RIMBP2: variants seen among roughly 807,000 people sequenced by gnomAD.
RIMBP2 encodes RIMS-binding protein 2.
RIMBP2 carries 48 observed loss-of-function variants against 118.6 expected under a neutral mutation model. The observed-to-expected ratio is 0.40, with a 90% CI of 0.32 to 0.51. The LOEUF is 0.51. Ranked by LOEUF, RIMBP2 falls within the 20% of genes least tolerant of loss-of-function variation. The probability of loss-of-function intolerance (pLI) is 0.41; values close to 1 mark genes in which losing one functional copy is unlikely to be tolerated. For missense variants in RIMBP2, 1,551 were observed against 1,768.3 expected, an observed-to-expected ratio of 0.88 and a Z score of 2.20; for synonymous variants, 762 against 742.9, an observed-to-expected ratio of 1.03 and a Z score of -0.42.
rs12815157 is a variant in RIMBP2, at chr12:130,436,610, G to A, written c.2106+232C>T. On this transcript the variant is annotated intron_variant, in intron 13 of 22. Transcript: ENST00000690449. ...AGCCTGCTTTCTAAGCCAGGCAAGTGCCTGGCATTTCCTTAGTTATGTGGC... is the reference window on the plus strand; with the variant it reads ...AGCCTGCTTTCTAAGCCAGGCAAGTACCTGGCATTTCCTTAGTTATGTGGC... Among the ~76,000 whole-genome samples the A allele has an allele frequency of 0.12, 18,765 of 152,196 alleles. 1,314 individuals are homozygous for A. The highest frequency in any genetic ancestry group is 0.24 in the East Asian group (1,252 of 5,152).
In RIMBP2 at chr12:130,425,229, C is replaced by G. The variant is rs143452681; in HGVS notation, c.2413-371G>C. Reference sequence around the variant, plus strand: ...GTGGCCACGGTGCCAGGGGAGACTGCCCGGGGGCTACATCCTCAGAAACCC... The same window carrying G: ...GTGGCCACGGTGCCAGGGGAGACTGGCCGGGGGCTACATCCTCAGAAACCC... On this transcript the variant is annotated intron_variant, in intron 15 of 22. Transcript: ENST00000690449. 1,271 of 182,424 alleles carry G rather than the reference C, an allele frequency of 7.0e-3. 12 individuals carry two copies. The highest frequency in any genetic ancestry group is 0.027 in the African/African-American group (1,167 of 42,802). 11.3% of individuals were successfully genotyped at this position (182,424 alleles called of 1,614,324 possible).
chr12:130,444,608 T>G (rs4409881), intron 10 of RIMBP2, among the ~76,000 whole-genome samples: 2 of 152,042 alleles, frequency 1.3e-5, no homozygotes, highest in African/African-American at 4.8e-5. Flanking sequence ...CAACAAAAGG[T>G]GGGGCCTTTC....
rs2140864097 is a variant in RIMBP2 at position 130,623,067 on chromosome 12, A to T, written c.-217+5255T>A. ...AATATTTGCCAAGCATCTGTAGTGT[A>T]CAAAATCAGGTTGCTGGGCTACTTA... On this transcript the variant is annotated intron_variant, in intron 2 of 22. Transcript: ENST00000690449. This position sits in a 1 kb window ranked among gnomAD's most constrained non-coding sequence, Gnocchi z 4.1. Among the ~76,000 whole-genome samples the T allele has an allele frequency of 6.6e-6, 1 of 152,366 alleles. No homozygotes were observed. Among genetic ancestry groups the T allele is most frequent in the Middle Eastern group, 3.4e-3 (1 of 294 alleles).
chr12:130,462,759 A>G (rs189233694), intron 6 of RIMBP2, among the ~76,000 whole-genome samples: 63 of 152,338 alleles, frequency 4.1e-4, no homozygotes, highest in Admixed American at 7.8e-4. Context: ...GAGCGCTGGC[A>G]CCACGTGGAG....
At chr12:130,613,426 C>T (rs373721841) in intron 2 of RIMBP2, among the ~76,000 whole-genome samples, 1 of 152,192 alleles carries the variant, frequency 6.6e-6, no homozygotes, top group Non-Finnish European at 1.5e-5. Flanking sequence ...CCCAGCCCCC[C>T]ACCCCGCAGG....
rs200070400 is a variant in RIMBP2 at position 130,442,088 on chromosome 12, T to G, written c.1264A>C (p.Ile422Leu). Residue 422 changes from isoleucine (I) to leucine (L), a missense_variant, in exon 11 of 23, where the codon ATC (isoleucine) becomes CTC (leucine). Physicochemically the swap from Ile to Leu is conservative, Grantham distance 5. Around this residue, in one of 5 missense-constraint regions of RIMBP2, gnomAD observed 265 missense variants for 349.5 expected, o/e 0.76. Coordinates refer to ENST00000690449, the MANE Select transcript of RIMBP2 (RefSeq NM_001393629.1). The surrounding 1 kb of genome is among the most constrained non-coding windows in gnomAD (Gnocchi z 6.9). Reference protein sequence around the residue: ...SHLRVDNITQISAQLSWLPTN... With the variant: ...SHLRVDNITQLSAQLSWLPTN... ...GGTAGCCAGGAGAGCTGGGCGGAGA[T>G]CTGCGTGATGTTGTCCACCCGCAGG... is the stretch of plus-strand genomic sequence containing the variant. The G allele has an allele frequency of 1.2e-6, 2 of 1,614,130 alleles. No homozygotes were observed. Among genetic ancestry groups the G allele is most frequent in the East Asian group, 2.2e-5 (1 of 44,876 alleles).
chr12:130,414,476 A>C, intron 17 of RIMBP2, 170 bp from the exon 18 acceptor site: 2 of 600,000 alleles, frequency 3.3e-6, no homozygotes, highest in Non-Finnish European at 2.8e-6. Flanking sequence ...GGTCAGATGA[A>C]TTGGAGAAGC....
At chr12:130,604,092 T>C (rs1010409317) in intron 2 of RIMBP2, among the ~76,000 whole-genome samples, 3 of 152,172 alleles carry the variant, frequency 2.0e-5, no homozygotes, top group East Asian at 1.9e-4. Flanking sequence ...GTGATGATCC[T>C]GACCCCGGGT....
At position 130,617,180 on chromosome 12, in the gene RIMBP2, G is replaced by A. The variant is rs181369445; in HGVS notation, c.-217+11142C>T. Among the ~76,000 whole-genome samples the A allele has an allele frequency of 0.019, 2,008 of 102,996 alleles. 43 individuals are homozygous for A. The highest frequency in any genetic ancestry group is 0.069 in the African/African-American group (1,893 of 27,504). 67.6% of individuals were successfully genotyped at this position (102,996 alleles called of 152,430 possible). ...TTGTCACCAACGATCCCCCACCCCC[G>A]ACCCCCGCCCCGAGTTAGTGCTGCC... is the stretch of plus-strand genomic sequence containing the variant. On this transcript the variant is annotated intron_variant, in intron 2 of 22. Transcript: ENST00000690449. The surrounding 1 kb of genome is among the most constrained non-coding windows in gnomAD (Gnocchi z 4.6).
At chr12:130,673,764 T>A (rs760211088) in intron 1 of RIMBP2, among the ~76,000 whole-genome samples, 2 of 152,056 alleles carry the variant, frequency 1.3e-5, no homozygotes, top group Non-Finnish European at 2.9e-5. Context: ...ATTTCCCTTT[T>A]GGTGCTCTTC....
rs2079470027 is a variant in RIMBP2 at position 130,456,656 on chromosome 12, C to T, written c.198G>A (p.Glu66=). 6.2e-7 allele frequency: 1 copy of T among 1,611,638 alleles called. No homozygotes were observed. The highest frequency in any genetic ancestry group is 8.5e-7 in the Non-Finnish European group (1 of 1,178,420). ...ELEEKCRTQS[E]QFNLLSRDLE... is the part of the protein sequence containing the mutation. ...GGTCCCGGGACAGCAGGTTGAACTG[C>T]TCACTTTGAGTCCGGCATTTCTCTT... The change falls in exon 7 of 23, where the codon GAG becomes GAA. Residue 66 remains glutamate (E), a synonymous_variant. Transcript: ENST00000690449.
chr12:130,631,128 A>G (rs2061970466), intron 1 of RIMBP2, among the ~76,000 whole-genome samples: 1 of 152,184 alleles, frequency 6.6e-6, no homozygotes, highest in Non-Finnish European at 1.5e-5. Flanking sequence ...GAAAAGAGAG[A>G]CTCAAGAAAA....
chr12:130,676,541 T>A (rs2064485908), intron 1 of RIMBP2, among the ~76,000 whole-genome samples: 1 of 151,504 alleles, frequency 6.6e-6, no homozygotes, highest in Non-Finnish European at 1.5e-5. Flanking sequence ...GAGAATCGCT[T>A]GAACCCGGGA....
intron 1 of RIMBP2, among the ~76,000 whole-genome samples, chr12:130,631,276 T>C (rs2061977486): frequency 6.6e-6 from 1 of 152,238 alleles, no homozygotes; most frequent in South Asian, 2.1e-4. Context: ...CAGTCACTAA[T>C]TGGTGCTACC....
intron 1 of RIMBP2, among the ~76,000 whole-genome samples, chr12:130,681,288 T>A (rs78913133): frequency 8.1e-5 from 8 of 98,626 alleles, no homozygotes; most frequent in Admixed American, 2.9e-4. Flanking sequence ...TAAAAAAAAA[T>A]AAAAAATAAA....
chr12:130,587,610 A>G (rs1159121285), intron 2 of RIMBP2, among the ~76,000 whole-genome samples: 2 of 91,830 alleles, frequency 2.2e-5, no homozygotes, highest in South Asian at 5.1e-4. Context: ...ATTCTCACTC[A>G]TAGGTGGGAA....
At chr12:130,510,060 A>G (rs1292184101) in intron 3 of RIMBP2, among the ~76,000 whole-genome samples, 1 of 152,204 alleles carries the variant, frequency 6.6e-6, no homozygotes, top group Non-Finnish European at 1.5e-5. Context: ...TTGCCTTCTA[A>G]GGGTCAGCAT....
intron 2 of RIMBP2, among the ~76,000 whole-genome samples, chr12:130,602,326 T>C (rs938310122): frequency 2.6e-5 from 4 of 152,196 alleles, no homozygotes; most frequent in Non-Finnish European, 1.5e-5. Context: ...TAACCTACCT[T>C]ATCCATTTCA....
chr12:130,438,335 A>AGGGC, intron 12 of RIMBP2, 30 bp downstream of exon 12: 1 of 865,014 alleles, frequency 1.2e-6, no homozygotes. Flanking sequence ...GGCCTAACAA[A>AGGGC]CCCTCCCCAC....
Sources: allele counts gnomAD v4.1 joint callset (sites outside exome capture counted in the v4.1 genomes callset), GRCh38; gene constraint gnomAD v4.1.1; regional missense constraint gnomAD v4.1.1; non-coding constraint Gnocchi (gnomAD v3.1); transcripts MANE v1.5; gene names NCBI Gene and HGNC (gene_info 2026-07-23, HGNC 2026-07-21).